Variants in ARHGAP35 observed in about 807,000 individuals in gnomAD.
ARHGAP35 encodes the protein rho GTPase-activating protein 35.
In ARHGAP35, 15 loss-of-function variants were observed where a neutral mutation model predicts 111.1. The ratio of observed to expected loss-of-function variants is 0.13; its 90% CI spans 0.09 to 0.21. ARHGAP35 has a LOEUF of 0.21. Ranked by LOEUF, ARHGAP35 falls within the 10% of genes least tolerant of loss-of-function variation. ARHGAP35 has a pLI of 1.00. For synonymous variants in ARHGAP35, 643 were observed against 710.3 expected (o/e 0.91, Z 1.51); for missense variants, 1,262 against 1,873.0 (o/e 0.67, Z 6.02).
intron 1 of ARHGAP35, among the ~76,000 whole-genome samples, chr19:46,912,194 C>A (rs1479627080): frequency 6.6e-6 from 1 of 151,830 alleles, no homozygotes; most frequent in Non-Finnish European, 1.5e-5. Flanking sequence ...CTGGCGCCCA[C>A]CACCATGCCT....
intron 3 of ARHGAP35, among the ~76,000 whole-genome samples, chr19:46,987,082 C>G (rs2056654393): frequency 6.6e-6 from 1 of 152,034 alleles, no homozygotes; most frequent in African/African-American, 2.4e-5. Context: ...CCCACCTCGA[C>G]CTCCCAAAGT....
intron 1 of ARHGAP35, among the ~76,000 whole-genome samples, chr19:46,909,274 G>GA (rs2056126140): frequency 6.6e-6 from 1 of 152,184 alleles, no homozygotes; most frequent in Non-Finnish European, 1.5e-5. Context: ...CCGCACTCCA[G>GA]CCTGGGGAAC....
At chr19:46,948,641 T>C (rs1035513591) in intron 3 of ARHGAP35, 6 of 152,168 alleles carry the variant, frequency 3.9e-5, no homozygotes, top group East Asian at 1.9e-4. Context: ...ATTATGCTTC[T>C]GAGAGTGATG....
chr19:46,867,928 G>A (rs1278173025), intron 1 of ARHGAP35, among the ~76,000 whole-genome samples: 11 of 152,172 alleles, frequency 7.2e-5, no homozygotes, highest in African/African-American at 2.6e-4. Flanking sequence ...GTGCAGTGGC[G>A]AGATCTCAGC....
At chr19:46,927,584 A>T (rs2056245710) in intron 2 of ARHGAP35, among the ~76,000 whole-genome samples, 1 of 152,198 alleles carries the variant, frequency 6.6e-6, no homozygotes, top group African/African-American at 2.4e-5. Flanking sequence ...CCCACGCCAA[A>T]TAATAGAGGG....
At chr19:46,876,421 T>C (rs1021885248) in intron 1 of ARHGAP35, among the ~76,000 whole-genome samples, 1 of 151,924 alleles carries the variant, frequency 6.6e-6, no homozygotes, top group Non-Finnish European at 1.5e-5. Flanking sequence ...TTGCCCAGGC[T>C]GGAGTATAGT....
At chr19:46,902,795 C>A (rs763136335) in intron 1 of ARHGAP35, among the ~76,000 whole-genome samples, 1 of 152,126 alleles carries the variant, frequency 6.6e-6, no homozygotes, top group Admixed American at 6.6e-5. Flanking sequence ...CAAGGAACAA[C>A]AAGTTATCAC....
intron 1 of ARHGAP35, among the ~76,000 whole-genome samples, chr19:46,884,872 A>T (rs762515035): frequency 6.6e-6 from 1 of 152,006 alleles, no homozygotes; most frequent in African/African-American, 2.4e-5. Flanking sequence ...CGCACCCACC[A>T]TGCCTGGCTA....
intron 3 of ARHGAP35, chr19:46,947,355 A>C (rs1056241776): frequency 3.3e-5 from 5 of 152,228 alleles, no homozygotes; most frequent in African/African-American, 1.2e-4. Context: ...TTGGGGAATA[A>C]AATAACACAC....
At chr19:46,914,056 C>T (rs1191322018) in intron 1 of ARHGAP35, among the ~76,000 whole-genome samples, 3 of 152,172 alleles carry the variant, frequency 2.0e-5, no homozygotes, top group Non-Finnish European at 2.9e-5. Flanking sequence ...AAAGTTATTT[C>T]CTCTAAACCA....
intron 1 of ARHGAP35, among the ~76,000 whole-genome samples, chr19:46,863,674 C>T (rs1158720601): frequency 6.6e-6 from 1 of 151,996 alleles, no homozygotes; most frequent in Non-Finnish European, 1.5e-5. Context: ...CCCTCCCCCC[C>T]AGCTAACAAG....
chr19:46,969,890 T>G (rs1263269494), intron 3 of ARHGAP35, among the ~76,000 whole-genome samples: 1 of 152,142 alleles, frequency 6.6e-6, no homozygotes, highest in Admixed American at 6.5e-5. Context: ...CCAAGGCAAG[T>G]GAGGCAGCAG....
intron 1 of ARHGAP35, among the ~76,000 whole-genome samples, chr19:46,900,266 A>G (rs1311354736): frequency 2.1e-5 from 3 of 145,512 alleles, no homozygotes; most frequent in South Asian, 2.2e-4. Flanking sequence ...CTGTCACCCA[A>G]GTTGGAGTGC....
At position 46,894,454 on chromosome 19, in the gene ARHGAP35, T is replaced by C. The variant is rs866334800; in HGVS notation, c.-188-24034T>C. 1.9e-3 allele frequency among the ~76,000 whole-genome samples: 278 copies of C among 149,556 alleles called. 2 individuals are homozygous for C. The highest frequency in any genetic ancestry group is 6.5e-3 in the African/African-American group (264 of 40,886). On this transcript the variant is annotated intron_variant, in intron 1 of 6. Transcript: ENST00000672722. The stretch of plus-strand genomic sequence containing the variant: ...TCTATCCTGTTTTTTGGTTTTTTTT[T>C]TTTTTTTTTTGGAGACGGAGTCGCT...
chr19:46,873,406 C>T (rs540112779), intron 1 of ARHGAP35, among the ~76,000 whole-genome samples: 9 of 151,812 alleles, frequency 5.9e-5, no homozygotes, highest in East Asian at 3.9e-4. Flanking sequence ...CCGAGGTGGG[C>T]GGATAATTTG....
At chr19:46,937,488 T>G in intron 3 of ARHGAP35, 80 bp downstream of exon 3, 1 of 1,498,982 alleles carries the variant, frequency 6.7e-7, no homozygotes, top group African/African-American at 1.4e-5. Context: ...ATCTGGAGAT[T>G]CTGGAATCAG....
Position 46,988,330 on chromosome 19 carries a change from G to A in ARHGAP35, c.3904+264G>A. 2.2e-6 allele frequency: 1 copy of A among 452,584 alleles called. No homozygotes were observed. The highest frequency in any genetic ancestry group is 2.2e-5 in the South Asian group (1 of 45,288). 28.0% of individuals were successfully genotyped at this position (452,584 alleles called of 1,614,324 possible). ...CTGCCACTCACAGATGCTCTTCCAG[G>A]TTGCCCGGGCACATGCCTCCCTCAC... is the stretch of plus-strand genomic sequence containing the variant. On this transcript the variant is annotated intron_variant, in intron 4 of 6. Transcript: ENST00000672722. The surrounding 1 kb of genome is among the most constrained non-coding windows in gnomAD (Gnocchi z 5.4).
Position 46,999,462 on chromosome 19 carries a change from G to T in ARHGAP35, c.4142+53G>T, listed in dbSNP as rs2056734042. On this transcript the variant is annotated intron_variant, in intron 6 of 6. Transcript: ENST00000672722. This position sits in a 1 kb window ranked among gnomAD's most constrained non-coding sequence, Gnocchi z 5.4. The stretch of plus-strand genomic sequence containing the variant: ...TTTCCTCCTGAAAATTGACAGCCAG[G>T]GTCAGTGTGTCGCAGAACAAGGCTC... The T allele has an allele frequency of 1.7e-6, 2 of 1,190,914 alleles. No homozygotes were observed. The highest frequency in any genetic ancestry group is 1.5e-5 in the African/African-American group (1 of 65,788). The allele number at this position is 1,190,914 out of a possible 1,614,324, so 73.8% of individuals were successfully genotyped here.
chr19:46,885,708 A>T (rs989719765), intron 1 of ARHGAP35, among the ~76,000 whole-genome samples: 1 of 152,180 alleles, frequency 6.6e-6, no homozygotes, highest in Admixed American at 6.6e-5. Context: ...GATTTCCAGA[A>T]TGATCTAGCA....
Sources: gnomAD v4.1 joint callset for allele counts (sites outside exome capture counted in the v4.1 genomes callset) on GRCh38, gnomAD v4.1.1 for gene constraint, Gnocchi (gnomAD v3.1) non-coding constraint, MANE v1.5 for transcripts, NCBI Gene and HGNC (gene_info 2026-07-23, HGNC 2026-07-21) for gene names.